KTN1: variants seen among roughly 807,000 people sequenced by gnomAD.
KTN1 encodes the protein kinectin 1.
Under a neutral mutation model 222.5 loss-of-function variants are expected in KTN1, and 130 were observed. The observed-to-expected ratio is 0.58, with a 90% CI of 0.51 to 0.68. The LOEUF (loss-of-function observed/expected upper bound fraction) is 0.68, where lower values mean the gene tolerates loss of function less well. KTN1 is among the 30% of genes least tolerant of loss of function. The pLI is 0.00. For missense variants in KTN1, 1,508 were observed against 1,500.4 expected (o/e 1.01, Z -0.08); for synonymous variants, 512 against 496.3 (o/e 1.03, Z -0.42).
chr14:55,580,920 C>A lies in KTN1; in HGVS notation c.-31+566C>A, dbSNP rs760253683. Among the ~76,000 whole-genome samples, 3 of 152,326 alleles carry A rather than the reference C, an allele frequency of 2.0e-5. No homozygotes were observed. The South Asian group carries it at 6.2e-4, about 32-fold the overall frequency. Reference sequence around the variant, plus strand: ...TCGCCCCCTTCCCCGGCGCCCCTCCCGCTGCCCTTTGCGAGTCCCCAGGTC... The same window carrying A: ...TCGCCCCCTTCCCCGGCGCCCCTCCAGCTGCCCTTTGCGAGTCCCCAGGTC... On this transcript the variant is annotated intron_variant, in intron 1 of 43. Transcript: ENST00000395314.
chr14:55,661,806 A>G (rs1019391848), intron 32 of KTN1, 194 bp downstream of exon 32: 17 of 379,334 alleles, frequency 4.5e-5, no homozygotes, highest in Non-Finnish European at 5.7e-5. Context: ...AAGTGAAAAG[A>G]TGAATTCTTA....
chr14:55,658,364 C>CT (rs1947820353), intron 29 of KTN1, among the ~76,000 whole-genome samples, 182 bp from the exon 30 acceptor site: 1 of 152,080 alleles, frequency 6.6e-6, no homozygotes, highest in Non-Finnish European at 1.5e-5. Context: ...AACTCCGCAG[C>CT]TAGTACTAAT....
rs2140960403 is a variant in KTN1 at position 55,636,448 on chromosome 14, G to T, written c.1462-1G>T. On this transcript the variant is annotated splice_acceptor_variant, in intron 9 of 43. Transcript: ENST00000395314. LOFTEE classifies it high-confidence loss of function. Reference sequence around the variant, plus strand: ...TCCTTTCTCCCTTTTAAAATACCAAGGTTCAACTACAAGAAGCTGAGAGAA... The same window carrying T: ...TCCTTTCTCCCTTTTAAAATACCAATGTTCAACTACAAGAAGCTGAGAGAA... The T allele has an allele frequency of 6.2e-7, 1 of 1,605,530 alleles. No homozygotes were observed.
chr14:55,620,187 A>G (rs1330797280), intron 5 of KTN1, among the ~76,000 whole-genome samples: 2 of 152,208 alleles, frequency 1.3e-5, no homozygotes, highest in Non-Finnish European at 2.9e-5. Context: ...TGCTGTTTCA[A>G]GAGGTGGATT....
chr14:55,629,841 GTTTTATCATTCATGATTAT>G, intron 6 of KTN1, 97 bp from the exon 7 acceptor site: 1 of 758,518 alleles, frequency 1.3e-6, no homozygotes, highest in Middle Eastern at 4.0e-4. Context: ...AGTACTTAAT[GTTTTATCATTCATGATTAT>G]TTTACTGATG....
Position 55,648,794 on chromosome 14 carries a change from T to G in KTN1, c.2299-8T>G. The G allele has an allele frequency of 6.3e-7, 1 of 1,585,444 alleles. No individual in the cohort carries two copies. Among genetic ancestry groups the G allele is most frequent in the Non-Finnish European group, 8.6e-7 (1 of 1,156,566 alleles). ...AAATCATGTTTTGCTTATGTGTCTT[T>G]GAAAAAGGCAATAAGAACAGAAAAT... On this transcript the variant is annotated splice_region_variant and splice_polypyrimidine_tract_variant and intron_variant, in intron 20 of 43. Transcript: ENST00000395314.
At chr14:55,615,152 G>A (rs1344924288) in intron 2 of KTN1, among the ~76,000 whole-genome samples, 2 of 152,284 alleles carry the variant, frequency 1.3e-5, no homozygotes, top group African/African-American at 4.8e-5. Flanking sequence ...CATGGGAACT[G>A]ATAGGAGATA....
chr14:55,644,824 T>C (rs564555029), intron 18 of KTN1, among the ~76,000 whole-genome samples: 4 of 152,076 alleles, frequency 2.6e-5, no homozygotes, highest in Non-Finnish European at 4.4e-5. Flanking sequence ...AAAGTAAAAA[T>C]GTTGGAGGAG....
intron 1 of KTN1, among the ~76,000 whole-genome samples, chr14:55,593,191 AC>A (rs2034433022): frequency 1.3e-5 from 2 of 151,560 alleles, no homozygotes; most frequent in African/African-American, 2.4e-5. Flanking sequence ...TACTTAGAAA[AC>A]CTCTATCTCC....
At chr14:55,592,084 GTC>G (rs2034249502) in intron 1 of KTN1, among the ~76,000 whole-genome samples, 2 of 152,030 alleles carry the variant, frequency 1.3e-5, no homozygotes, top group African/African-American at 2.4e-5. Context: ...TTCTTATGGT[GTC>G]TCTATTAAAA....
intron 5 of KTN1, among the ~76,000 whole-genome samples, chr14:55,621,483 G>A (rs937206411): frequency 1.3e-5 from 2 of 152,120 alleles, no homozygotes; most frequent in African/African-American, 4.8e-5. Flanking sequence ...GTTTCATGTG[G>A]CTGGCCTCAC....
At chr14:55,678,854 G>A (rs922398067) in intron 42 of KTN1, 2 of 167,960 alleles carry the variant, frequency 1.2e-5, no homozygotes, top group African/African-American at 4.8e-5. Context: ...AATGCCTGAT[G>A]ATCTGAGGTG....
chr14:55,613,822 A>C (rs2037962055), intron 2 of KTN1, among the ~76,000 whole-genome samples: 1 of 152,168 alleles, frequency 6.6e-6, no homozygotes, highest in South Asian at 2.1e-4. Context: ...AGGCATAGTA[A>C]GAACTACATG....
chr14:55,672,772 A>C, intron 38 of KTN1, 71 bp downstream of exon 38: 3 of 1,130,764 alleles, frequency 2.7e-6, no homozygotes, highest in Non-Finnish European at 4.0e-6. Flanking sequence ...CTGAAGATCT[A>C]TAGTTTAAGA....
chr14:55,649,237 T>G (rs1403049220), intron 21 of KTN1, among the ~76,000 whole-genome samples: 1 of 152,206 alleles, frequency 6.6e-6, no homozygotes, highest in Non-Finnish European at 1.5e-5. Context: ...CATTCTCTTT[T>G]AAACAGTGGG....
In KTN1 at chr14:55,650,392, G is replaced by A. The variant is rs544999641; in HGVS notation, c.2470G>A (p.Val824Ile). 1 of 1,611,110 alleles carries A rather than the reference G, an allele frequency of 6.2e-7. No individual in the cohort carries two copies. Among genetic ancestry groups the A allele is most frequent in the East Asian group, 2.2e-5 (1 of 44,816 alleles). The change falls in exon 23 of 44, where the codon GTT becomes ATT. Residue 824 changes from valine (V) to isoleucine (I), a missense_variant. Val to Ile is a conservative substitution (Grantham distance 29, BLOSUM62 3). Transcript: ENST00000395314. ...EELLEAELLK[V>I]ANKEKTVQDL... ...GCTTCTGGAGGCAGAACTTCTCAAA[G>A]TTGCTAACAAGGAGAAAACTGTTCA... is the stretch of plus-strand genomic sequence containing the variant.
At position 55,616,388 on chromosome 14, in the gene KTN1, G is replaced by T. The variant is rs553394308; in HGVS notation, c.524-129G>T. 5.1e-5 allele frequency: 37 copies of T among 730,518 alleles called. No individual in the cohort carries two copies. The South Asian group carries it at 5.2e-4, about 10-fold the overall frequency. The allele number at this position is 730,518 out of a possible 1,614,324, so 45.3% of individuals were successfully genotyped here. ...GTAAGAAAGCTAGAAAAAGTTATTG[G>T]TGAGAGCGTTATATGTCAGACTTTA... On this transcript the variant is annotated intron_variant, in intron 2 of 43. Coordinates refer to ENST00000395314, the MANE Select transcript of KTN1 (RefSeq NM_001079521.2).
At chr14:55,683,433 A>G (rs1953356) in intron 43 of KTN1, 83,616 of 151,930 alleles carry the variant, frequency 0.55, 24,821 homozygotes, top group African/African-American at 0.79. Flanking sequence ...ACTTTAGCAC[A>G]CATCTCCGAA....
At chr14:55,595,806 C>G (rs1276344654) in intron 1 of KTN1, among the ~76,000 whole-genome samples, 1 of 152,002 alleles carries the variant, frequency 6.6e-6, no homozygotes, top group African/African-American at 2.4e-5. Context: ...TTGGGTTTTC[C>G]TGATTTAGTA....
Sources: gnomAD v4.1 joint callset for allele counts (sites outside exome capture counted in the v4.1 genomes callset) on GRCh38, gnomAD v4.1.1 for gene constraint, MANE v1.5 for transcripts, NCBI Gene and HGNC (gene_info 2026-07-23, HGNC 2026-07-21) for gene names.